IGF1R: variants seen among roughly 807,000 people sequenced by gnomAD.
IGF1R encodes the protein insulin like growth factor 1 receptor, also known as insulin-like growth factor 1 receptor.
IGF1R carries 44 observed loss-of-function variants against 144.6 expected under a neutral mutation model. The ratio of observed to expected loss-of-function variants is 0.30; its 90% CI spans 0.24 to 0.39. The LOEUF is 0.39. IGF1R is among the 10% of genes least tolerant of loss of function. The pLI is 1.00. For synonymous variants in IGF1R, 795 were observed against 722.8 expected, an observed-to-expected ratio of 1.10 and a Z score of -1.60; for missense variants, 1,355 against 1,833.7, an observed-to-expected ratio of 0.74 and a Z score of 4.77.
intron 2 of IGF1R, among the ~76,000 whole-genome samples, chr15:98,753,182 C>G (rs763694089): frequency 1.3e-5 from 2 of 151,172 alleles, no homozygotes; most frequent in African/African-American, 2.4e-5. Flanking sequence ...TCACCTGCCT[C>G]GGCCTCCCAA....
intron 2 of IGF1R, among the ~76,000 whole-genome samples, chr15:98,845,596 T>G (rs1413481457): frequency 1.3e-5 from 2 of 148,294 alleles, no homozygotes; most frequent in African/African-American, 5.0e-5. Context: ...CTTTCTCTCT[T>G]CTCTCTCTAC....
chr15:98,658,742 A>G (rs111917511), intron 1 of IGF1R, among the ~76,000 whole-genome samples: 84 of 152,174 alleles, frequency 5.5e-4, no homozygotes, highest in African/African-American at 2.0e-3. Flanking sequence ...CTACTTTCCC[A>G]TTACTCCTTT....
chr15:98,836,658 T>G (rs2057109217), intron 2 of IGF1R, among the ~76,000 whole-genome samples: 1 of 152,162 alleles, frequency 6.6e-6, no homozygotes, highest in Non-Finnish European at 1.5e-5. Context: ...ACTATTTGAA[T>G]TTCACCAGTT....
At chr15:98,774,548 C>T (rs1037395076) in intron 2 of IGF1R, among the ~76,000 whole-genome samples, 4 of 152,088 alleles carry the variant, frequency 2.6e-5, no homozygotes, top group Admixed American at 2.0e-4. Context: ...CATGCAACAG[C>T]GTGAATGAAC....
chr15:98,910,060 C>T (rs758606318), intron 6 of IGF1R, among the ~76,000 whole-genome samples: 3 of 152,110 alleles, frequency 2.0e-5, no homozygotes, highest in Non-Finnish European at 4.4e-5. Flanking sequence ...AAATCAGAAC[C>T]GATGCGTGTT....
chr15:98,862,554 T>A (rs1263107635), intron 2 of IGF1R, among the ~76,000 whole-genome samples: 4 of 152,232 alleles, frequency 2.6e-5, no homozygotes, highest in Admixed American at 2.6e-4. Flanking sequence ...GTCATATCTC[T>A]AAACTAGGGA....
intron 1 of IGF1R, among the ~76,000 whole-genome samples, chr15:98,701,324 ATTTTTTTTTTTTT>A (rs10581900): frequency 3.2e-3 from 236 of 73,030 alleles, no homozygotes; most frequent in African/African-American, 0.014. Flanking sequence ...AGCCTATCTC[ATTTTTTTTTTTTT>A]TTTTTTTTTT....
At chr15:98,805,754 T>C (rs1247648919) in intron 2 of IGF1R, among the ~76,000 whole-genome samples, 1 of 152,238 alleles carries the variant, frequency 6.6e-6, no homozygotes, top group Non-Finnish European at 1.5e-5. Context: ...CCATAAATTA[T>C]TGCTTTTGTA....
intron 2 of IGF1R, among the ~76,000 whole-genome samples, chr15:98,869,819 C>G (rs1183819230): frequency 6.6e-6 from 1 of 152,208 alleles, no homozygotes; most frequent in Non-Finnish European, 1.5e-5. Context: ...ATATACAATT[C>G]AAGGGCTTTG....
intron 1 of IGF1R, among the ~76,000 whole-genome samples, chr15:98,670,072 G>A (rs994649183): frequency 6.6e-6 from 1 of 152,182 alleles, no homozygotes; most frequent in African/African-American, 2.4e-5. Context: ...AATTTGGAGT[G>A]TTTGGATGTT....
At chr15:98,769,098 A>G (rs2055518269) in intron 2 of IGF1R, among the ~76,000 whole-genome samples, 2 of 152,366 alleles carry the variant, frequency 1.3e-5, no homozygotes, top group South Asian at 4.1e-4. Flanking sequence ...TCTCTAAATC[A>G]AAATAATCAG....
intron 2 of IGF1R, among the ~76,000 whole-genome samples, chr15:98,737,258 C>T (rs766544807): frequency 2.0e-5 from 3 of 152,180 alleles, no homozygotes; most frequent in Non-Finnish European, 4.4e-5. Flanking sequence ...TGCCATCCAC[C>T]GTCTTGGGAA....
intron 2 of IGF1R, among the ~76,000 whole-genome samples, chr15:98,858,040 G>A (rs1393928319): frequency 1.3e-5 from 2 of 152,172 alleles, no homozygotes; most frequent in African/African-American, 4.8e-5. Context: ...CAAGCAAGTC[G>A]TCTTCTGTAA....
At chr15:98,879,265 T>C (rs2013247917) in intron 2 of IGF1R, among the ~76,000 whole-genome samples, 1 of 152,236 alleles carries the variant, frequency 6.6e-6, no homozygotes, top group Non-Finnish European at 1.5e-5. Flanking sequence ...TAGAATATTT[T>C]TTAAAAGAAT....
chr15:98,923,235 A>G (rs2015564611), intron 11 of IGF1R, among the ~76,000 whole-genome samples: 1 of 152,266 alleles, frequency 6.6e-6, no homozygotes. Context: ...AGCAAAAGCA[A>G]GAAAGGAACC....
chr15:98,849,030 C>A (rs1442009558), intron 2 of IGF1R, among the ~76,000 whole-genome samples: 1 of 151,652 alleles, frequency 6.6e-6, no homozygotes, highest in East Asian at 1.9e-4. Context: ...TAATATAAAT[C>A]CAAATACAAC....
chr15:98,858,101 C>T (rs1199109699), intron 2 of IGF1R, among the ~76,000 whole-genome samples: 5 of 152,138 alleles, frequency 3.3e-5, no homozygotes, highest in Non-Finnish European at 7.4e-5. Context: ...GAGAAAACAA[C>T]CAAAAAAGTC....
chr15:98,663,438 C>T (rs1401491102), intron 1 of IGF1R, among the ~76,000 whole-genome samples: 3 of 152,146 alleles, frequency 2.0e-5, no homozygotes, highest in Non-Finnish European at 4.4e-5. Context: ...TAAAGAATAG[C>T]TGGATGTTAG....
chr15:98,854,831 C>A (rs1057025944), intron 2 of IGF1R, among the ~76,000 whole-genome samples: 2 of 152,154 alleles, frequency 1.3e-5, no homozygotes, highest in African/African-American at 4.8e-5. Context: ...TGTTCTGGTT[C>A]CCCCTTTCCT....
Sources: allele counts gnomAD v4.1 joint callset (sites outside exome capture counted in the v4.1 genomes callset), GRCh38; gene constraint gnomAD v4.1.1; transcripts MANE v1.5; gene names NCBI Gene and HGNC (gene_info 2026-07-23, HGNC 2026-07-21).